Variants in TMEM30A observed in about 807,000 individuals in gnomAD.
TMEM30A encodes cell division cycle 50 P4-ATPase accessory subunit A.
A neutral mutation model predicts 38.2 loss-of-function variants in TMEM30A; 24 were observed. The ratio of observed to expected loss-of-function variants is 0.63; its 90% confidence interval spans 0.46 to 0.88. TMEM30A has a LOEUF of 0.88. Ranked by LOEUF, TMEM30A falls within the 40% of genes least tolerant of loss-of-function variation. The pLI, the probability that TMEM30A is intolerant of heterozygous loss-of-function variation, is 0.00. For synonymous variants in TMEM30A, 145 were observed against 161.6 expected (o/e 0.90, Z 0.78); for missense variants, 370 against 458.6 (o/e 0.81, Z 1.77).
At chr6:75,283,422 T>C (rs1772393972) in intron 1 of TMEM30A, among the ~76,000 whole-genome samples, 1 of 151,850 alleles carries the variant, frequency 6.6e-6, no homozygotes, top group African/African-American at 2.4e-5. Flanking sequence ...TTCTCAGATA[T>C]GCAAGAAAAG....
intron 1 of TMEM30A, chr6:75,284,079 C>T: frequency 1.1e-5 from 4 of 380,326 alleles, no homozygotes; most frequent in South Asian, 6.7e-5. Flanking sequence ...CCCACTAATC[C>T]CCCACGGAAC....
intron 1 of TMEM30A, among the ~76,000 whole-genome samples, chr6:75,279,734 A>C (rs1215933871): frequency 6.6e-6 from 1 of 152,234 alleles, no homozygotes; most frequent in African/African-American, 2.4e-5. Context: ...TTCTAAAAAT[A>C]CATTATATTT....
chr6:75,265,718 G>A lies in TMEM30A; in HGVS notation c.346-380C>T, dbSNP rs552525344. Among the ~76,000 whole-genome samples the A allele has an allele frequency of 6.2e-3, 152 of 24,366 alleles. 3 individuals are homozygous for A. The South Asian group carries it at 0.11, about 18-fold the overall frequency. The allele number at this position is 24,366 out of a possible 152,430, so 16.0% of individuals were successfully genotyped here. ...TTTCACAGGGATAATGGTCAAACTT[G>A]TTTCTTTTTTTTTTCTCCCAGAGAC... is the stretch of plus-strand genomic sequence containing the variant. On this transcript the variant is annotated intron_variant, in intron 2 of 6. Coordinates refer to ENST00000230461, the MANE Select transcript of TMEM30A (RefSeq NM_018247.4).
intron 1 of TMEM30A, among the ~76,000 whole-genome samples, chr6:75,274,196 G>A (rs569505340): frequency 7.9e-5 from 12 of 152,292 alleles, no homozygotes; most frequent in African/African-American, 2.6e-4. Context: ...GAAAAGGAAG[G>A]TCATTTCAGG....
chr6:75,267,612 T>C, intron 2 of TMEM30A, 29 bp downstream of exon 2: 1 of 1,520,078 alleles, frequency 6.6e-7, no homozygotes, highest in Non-Finnish European at 9.1e-7. Context: ...AAGCATGGCT[T>C]TTCTAGCACA....
chr6:75,256,350 CA>C, intron 6 of TMEM30A, 55 bp from the exon 7 acceptor site: 1 of 1,478,100 alleles, frequency 6.8e-7, no homozygotes, highest in South Asian at 1.3e-5. Context: ...GTTTAAAATA[CA>C]ATTTTAAAAG....
intron 6 of TMEM30A, 43 bp downstream of exon 6, chr6:75,258,737 T>C (rs565711389): frequency 6.3e-7 from 1 of 1,586,028 alleles, no homozygotes; most frequent in Non-Finnish European, 8.6e-7. Flanking sequence ...ACTCGACTCC[T>C]TTCAAGCTCT....
chr6:75,261,881 T>A (rs1227910304), intron 3 of TMEM30A, among the ~76,000 whole-genome samples: 6 of 152,166 alleles, frequency 3.9e-5, no homozygotes, highest in African/African-American at 1.4e-4. Context: ...CTCAGCTTTT[T>A]GGTCCCTACA....
chr6:75,271,707 C>A (rs1772174259), intron 1 of TMEM30A, among the ~76,000 whole-genome samples: 1 of 152,146 alleles, frequency 6.6e-6, no homozygotes, highest in South Asian at 2.1e-4. Context: ...GTAGTAATAG[C>A]TAGTGCTAAG....
intron 1 of TMEM30A, among the ~76,000 whole-genome samples, chr6:75,269,016 T>A: frequency 6.6e-6 from 1 of 152,200 alleles, no homozygotes; most frequent in East Asian, 1.9e-4. Flanking sequence ...ATTTTTATAG[T>A]TTAAGGTTCA....
Position 75,254,259 on chromosome 6 carries a change from T to C in TMEM30A, c.*1843A>G, listed in dbSNP as rs1466773083. Reference sequence around the variant, plus strand: ...AGTTAGAAAAAGAGTTGCAGGATGGTAGTCCTCCTTAAACAGCACAGACTC... The same window carrying C: ...AGTTAGAAAAAGAGTTGCAGGATGGCAGTCCTCCTTAAACAGCACAGACTC... On this transcript the variant is annotated 3_prime_UTR_variant, in exon 7 of 7. Coordinates refer to ENST00000230461, the MANE Select transcript of TMEM30A (RefSeq NM_018247.4). The C allele has an allele frequency of 6.6e-6, 1 of 152,120 alleles. No individual in the cohort carries two copies. Among genetic ancestry groups the C allele is most frequent in the African/African-American group, 2.4e-5 (1 of 41,434 alleles). The allele number at this position is 152,120 out of a possible 1,614,324, so 9.4% of individuals were successfully genotyped here. A position where few individuals can be genotyped will look rare whatever the true frequency, so the allele number is the denominator to read the frequency against.
chr6:75,257,280 T>C (rs1187952966), intron 6 of TMEM30A, among the ~76,000 whole-genome samples: 1 of 152,164 alleles, frequency 6.6e-6, no homozygotes, highest in Non-Finnish European at 1.5e-5. Flanking sequence ...ATTCTAGTCT[T>C]TAGTTCCCAC....
chr6:75,256,090 C>G lies in TMEM30A; in HGVS notation c.*12G>C. 6.3e-7 allele frequency: 1 copy of G among 1,576,916 alleles called. No homozygotes were observed. Among genetic ancestry groups the G allele is most frequent in the Non-Finnish European group, 8.7e-7 (1 of 1,152,332 alleles). ...GATGCACATGCAGATGATTTGCTTT[C>G]ATAATATAAAATTAAATGGTAATGT... On this transcript the variant is annotated 3_prime_UTR_variant, in exon 7 of 7. Transcript: ENST00000230461.
chr6:75,284,360 T>A, intron 1 of TMEM30A, 42 bp downstream of exon 1: 2 of 1,590,180 alleles, frequency 1.3e-6, no homozygotes, highest in Non-Finnish European at 8.6e-7. Context: ...AGGACCCTCC[T>A]CCCGAGCAAC....
chr6:75,258,161 G>A (rs1055240144), intron 6 of TMEM30A, among the ~76,000 whole-genome samples: 1 of 152,112 alleles, frequency 6.6e-6, no homozygotes, highest in Non-Finnish European at 1.5e-5. Flanking sequence ...TTAAGTGCTC[G>A]ATATTCCTGT....
chr6:75,277,612 TA>T (rs200302672), intron 1 of TMEM30A, among the ~76,000 whole-genome samples: 6,235 of 151,830 alleles, frequency 0.041, 424 homozygotes, highest in African/African-American at 0.14. Context: ...CTATTTTTTT[TA>T]AAAAAAGGCC....
chr6:75,255,190 G>A lies in TMEM30A; in HGVS notation c.*912C>T, dbSNP rs986877815. 6.6e-6 allele frequency: 1 copy of A among 152,520 alleles called. No individual in the cohort carries two copies. The highest frequency in any genetic ancestry group is 2.4e-5 in the African/African-American group (1 of 41,436). 9.4% of individuals were successfully genotyped at this position (152,520 alleles called of 1,614,324 possible). On this transcript the variant is annotated 3_prime_UTR_variant, in exon 7 of 7. Transcript: ENST00000230461. The stretch of plus-strand genomic sequence containing the variant: ...TACCTGCAGAATAAAAACAGCCTGA[G>A]TATTTCCAAAGCTGAAGTAATTTTC...
At chr6:75,272,497 G>A (rs376679371) in intron 1 of TMEM30A, 4 of 152,172 alleles carry the variant, frequency 2.6e-5, no homozygotes, top group African/African-American at 9.7e-5. Context: ...TTAGCAAATC[G>A]GGTATCAGTT....
intron 1 of TMEM30A, among the ~76,000 whole-genome samples, chr6:75,275,186 C>T (rs1772240534): frequency 6.6e-6 from 1 of 152,200 alleles, no homozygotes; most frequent in East Asian, 1.9e-4. Context: ...CTCCTTAGCT[C>T]CCCAGCCTCT....
Sources: allele counts gnomAD v4.1 joint callset (sites outside exome capture counted in the v4.1 genomes callset), GRCh38; gene constraint gnomAD v4.1.1; transcripts MANE v1.5; gene names NCBI Gene and HGNC (gene_info 2026-07-23, HGNC 2026-07-21).